Variants in LYPD6B observed in about 807,000 individuals in gnomAD.
LYPD6B encodes the protein ly6/PLAUR domain-containing protein 6B.
Under a neutral mutation model 22.8 loss-of-function variants are expected in LYPD6B, and 17 were observed. That is an observed-to-expected ratio of 0.75 (90% CI 0.51 to 1.12). The LOEUF is 1.12. LYPD6B is among the 50% of genes most tolerant of loss of function. The pLI is 0.00. For missense variants in LYPD6B, 221 were observed against 258.3 expected (o/e 0.86, Z 0.99); for synonymous variants, 106 against 91.6 (o/e 1.16, Z -0.90).
chr2:149,126,479 A>C (rs909906443), intron 1 of LYPD6B, among the ~76,000 whole-genome samples: 5 of 152,232 alleles, frequency 3.3e-5, no homozygotes, highest in African/African-American at 1.2e-4. Flanking sequence ...TATTACAAAA[A>C]TCATAAGGAA....
intron 1 of LYPD6B, among the ~76,000 whole-genome samples, chr2:149,090,068 T>C (rs13005197): frequency 0.22 from 34,020 of 152,138 alleles, 4,706 homozygotes; most frequent in East Asian, 0.51. Flanking sequence ...TCTGCATTGA[T>C]TTCTGTATTG....
Position 149,150,546 on chromosome 2 carries a change from A to G in LYPD6B, c.6-10218A>G, listed in dbSNP as rs142713482. ...GCTTTTCTATATATGTGGCTGTGGA[A>G]AAGTCTGATGTCATTTTGGTTTGTG... is the stretch of plus-strand genomic sequence containing the variant. On this transcript the variant is annotated intron_variant, in intron 2 of 6. Transcript: ENST00000409642. Among the ~76,000 whole-genome samples, 223 of 151,828 alleles carry G rather than the reference A, an allele frequency of 1.5e-3. 1 individual carries two copies. The highest frequency in any genetic ancestry group is 5.2e-3 in the African/African-American group (216 of 41,398).
chr2:149,142,759 C>A (rs759019635), intron 2 of LYPD6B, among the ~76,000 whole-genome samples: 11 of 152,108 alleles, frequency 7.2e-5, no homozygotes, highest in Non-Finnish European at 1.6e-4. Flanking sequence ...CCATCTTAGC[C>A]CCGTGAGCAG....
At chr2:149,122,462 C>T (rs797005208) in intron 1 of LYPD6B, among the ~76,000 whole-genome samples, 1 of 150,732 alleles carries the variant, frequency 6.6e-6, no homozygotes, top group African/African-American at 2.4e-5. Flanking sequence ...GGTACATGTG[C>T]ACAATGTGCA....
rs1369027540 is a variant in LYPD6B at position 149,214,715 on chromosome 2, A to G, written c.*5A>G. ...TTTGTGCTTCCATTGCTGTGATGCC[A>G]CCATTCCTAGGAGAGGCAGAGACCA... On this transcript the variant is annotated 3_prime_UTR_variant, in exon 7 of 7. Coordinates refer to ENST00000409642, the MANE Select transcript of LYPD6B (RefSeq NM_177964.5). The G allele has an allele frequency of 1.2e-6, 2 of 1,613,738 alleles. No individual in the cohort carries two copies. Among genetic ancestry groups the G allele is most frequent in the Non-Finnish European group, 1.7e-6 (2 of 1,179,808 alleles).
chr2:149,125,099 C>G (rs1687617478), intron 1 of LYPD6B, among the ~76,000 whole-genome samples: 1 of 152,168 alleles, frequency 6.6e-6, no homozygotes, highest in Non-Finnish European at 1.5e-5. Context: ...TTCTCCCAGT[C>G]AAACAGAAAC....
chr2:149,171,912 C>T (rs1389130854), intron 3 of LYPD6B, among the ~76,000 whole-genome samples: 1 of 152,160 alleles, frequency 6.6e-6, no homozygotes, highest in East Asian at 1.9e-4. Context: ...AATTCAAGCA[C>T]CCTGCTTTGT....
chr2:149,112,229 C>T (rs952771960), intron 1 of LYPD6B, among the ~76,000 whole-genome samples: 6 of 152,120 alleles, frequency 3.9e-5, no homozygotes, highest in African/African-American at 1.4e-4. Flanking sequence ...AAAAAGTTCC[C>T]TGTAGTTACC....
intron 1 of LYPD6B, among the ~76,000 whole-genome samples, chr2:149,045,138 A>G (rs1683252756): frequency 6.6e-6 from 1 of 151,992 alleles, no homozygotes; most frequent in African/African-American, 2.4e-5. Context: ...TTTCTTCTTG[A>G]TAAGTTTTGT....
At chr2:149,063,665 G>C (rs867949919) in intron 1 of LYPD6B, among the ~76,000 whole-genome samples, 1 of 152,090 alleles carries the variant, frequency 6.6e-6, no homozygotes, top group Non-Finnish European at 1.5e-5. Flanking sequence ...TTTAACACAG[G>C]GGTTGAACAT....
At chr2:149,209,640 GC>G (rs1447240404) in intron 5 of LYPD6B, among the ~76,000 whole-genome samples, 1 of 152,138 alleles carries the variant, frequency 6.6e-6, no homozygotes, top group Non-Finnish European at 1.5e-5. Context: ...TCCAGTTACA[GC>G]CAATGTGTGG....
intron 3 of LYPD6B, among the ~76,000 whole-genome samples, chr2:149,193,629 TG>T (rs1341315117): frequency 6.6e-6 from 1 of 151,998 alleles, no homozygotes; most frequent in Non-Finnish European, 1.5e-5. Context: ...ATTATTCCAG[TG>T]AGAAGGTCTG....
intron 1 of LYPD6B, among the ~76,000 whole-genome samples, chr2:149,072,991 C>T (rs1291576953): frequency 6.6e-6 from 1 of 152,244 alleles, no homozygotes; most frequent in South Asian, 2.1e-4. Flanking sequence ...GGGAACTTAA[C>T]CTCATTTATT....
At chr2:149,133,395 C>A (rs75158065) in intron 2 of LYPD6B, among the ~76,000 whole-genome samples, 1 of 152,104 alleles carries the variant, frequency 6.6e-6, no homozygotes, top group Non-Finnish European at 1.5e-5. Context: ...ATCTTAGTAC[C>A]TTTCCTTCCT....
intron 1 of LYPD6B, among the ~76,000 whole-genome samples, chr2:149,046,784 TACTTC>T (rs1683326821): frequency 1.3e-5 from 2 of 152,188 alleles, no homozygotes; most frequent in Non-Finnish European, 2.9e-5. Flanking sequence ...ATATTTACAG[TACTTC>T]TCTTTTATGT....
chr2:149,104,190 A>G (rs900380763), intron 1 of LYPD6B, among the ~76,000 whole-genome samples: 9 of 152,208 alleles, frequency 5.9e-5, no homozygotes, highest in African/African-American at 2.2e-4. Context: ...GTTTTGAGCT[A>G]TTACAAAGAA....
chr2:149,180,996 G>T (rs1168535143), intron 3 of LYPD6B, among the ~76,000 whole-genome samples: 2 of 152,184 alleles, frequency 1.3e-5, no homozygotes, highest in African/African-American at 2.4e-5. Flanking sequence ...TGGCTTTTCA[G>T]ATGTGTTAAG....
At chr2:149,127,154 A>G (rs1336688096) in intron 1 of LYPD6B, among the ~76,000 whole-genome samples, 1 of 151,562 alleles carries the variant, frequency 6.6e-6, no homozygotes, top group Non-Finnish European at 1.5e-5. Context: ...GAAATATTTT[A>G]TATATAGTAA....
chr2:149,192,173 C>T (rs1692535672), intron 3 of LYPD6B, among the ~76,000 whole-genome samples: 1 of 152,096 alleles, frequency 6.6e-6, no homozygotes, highest in Non-Finnish European at 1.5e-5. Flanking sequence ...CTGGCTTGTG[C>T]CTCTGAAGAC....
Sources: allele counts gnomAD v4.1 joint callset (sites outside exome capture counted in the v4.1 genomes callset), GRCh38; gene constraint gnomAD v4.1.1; transcripts MANE v1.5; gene names NCBI Gene and HGNC (gene_info 2026-07-23, HGNC 2026-07-21).